TOX: variants seen among roughly 807,000 people sequenced by gnomAD.
TOX encodes thymocyte selection associated high mobility group box, also known as thymocyte selection-associated high mobility group box protein TOX.
A neutral mutation model predicts 53.7 loss-of-function variants in TOX; 11 were observed. The ratio of observed to expected loss-of-function variants is 0.20; its 90% CI spans 0.13 to 0.34. TOX has a LOEUF of 0.34. TOX is among the 10% of genes least tolerant of loss of function. The pLI, the probability that TOX is intolerant of heterozygous loss-of-function variation, is 1.00. For missense variants in TOX, 570 were observed against 664.6 expected (o/e 0.86, Z 1.56); for synonymous variants, 225 against 245.3 (o/e 0.92, Z 0.77).
chr8:58,985,013 C>T (rs1813300090), intron 1 of TOX, among the ~76,000 whole-genome samples: 1 of 150,364 alleles, frequency 6.7e-6, no homozygotes, highest in Non-Finnish European at 1.5e-5. Flanking sequence ...AGACTATGGA[C>T]ATAACTATGG....
In TOX at chr8:58,822,962, T is replaced by C. The variant is rs539846579; in HGVS notation, c.1005+3860A>G. Among the ~76,000 whole-genome samples, 25 of 152,152 alleles carry C rather than the reference T, an allele frequency of 1.6e-4. No homozygotes were observed. The East Asian group carries it at 4.4e-3, about 27-fold the overall frequency. On this transcript the variant is annotated intron_variant, in intron 6 of 8. Transcript: ENST00000361421. ...TGTGCAGGTTTGCTGTGATGGGAAA[T>C]AGGAACACGTGTAAAATGCCTACCA...
intron 1 of TOX, among the ~76,000 whole-genome samples, chr8:59,025,219 G>A (rs1814212541): frequency 6.6e-6 from 1 of 152,080 alleles, no homozygotes; most frequent in Admixed American, 6.5e-5. Context: ...TCCCTCTCAG[G>A]ATGAAATTCC....
chr8:58,967,964 C>T (rs1478884776), intron 1 of TOX, among the ~76,000 whole-genome samples: 1 of 152,158 alleles, frequency 6.6e-6, no homozygotes, highest in East Asian at 1.9e-4. Flanking sequence ...CTTTGTTCTG[C>T]TTTCATTATA....
chr8:58,836,770 A>G lies in TOX; in HGVS notation c.924+1311T>C, dbSNP rs1048177946. 2.0e-5 allele frequency among the ~76,000 whole-genome samples: 3 copies of G among 152,286 alleles called. No individual in the cohort carries two copies. The South Asian group carries it at 6.2e-4, about 32-fold the overall frequency. ...GAAAAGCATTGTAAGTTGAGTGACA[A>G]GTTTTATTCATGGTAATTCTAGGTA... On this transcript the variant is annotated intron_variant, in intron 5 of 8. Coordinates refer to ENST00000361421, the MANE Select transcript of TOX (RefSeq NM_014729.3).
intron 1 of TOX, among the ~76,000 whole-genome samples, chr8:59,090,440 C>T (rs750901965): frequency 6.6e-6 from 1 of 152,110 alleles, no homozygotes; most frequent in Non-Finnish European, 1.5e-5. Context: ...GTCAGGTATC[C>T]TTTATGTATT....
intron 1 of TOX, among the ~76,000 whole-genome samples, chr8:58,970,199 T>G (rs1318247043): frequency 6.6e-6 from 1 of 152,182 alleles, no homozygotes. Context: ...GTAAGAAAAC[T>G]GAGTCCTGGA....
intron 3 of TOX, among the ~76,000 whole-genome samples, chr8:58,908,001 G>A (rs541805625): frequency 1.2e-4 from 18 of 152,274 alleles, no homozygotes; most frequent in African/African-American, 4.3e-4. Context: ...AGGTAAACAT[G>A]TGCTATAGTG....
At chr8:59,094,723 C>T (rs536445674) in intron 1 of TOX, among the ~76,000 whole-genome samples, 3 of 152,286 alleles carry the variant, frequency 2.0e-5, no homozygotes, top group African/African-American at 7.2e-5. Flanking sequence ...AGTTTGGAAG[C>T]AAACCCGCAG....
intron 1 of TOX, among the ~76,000 whole-genome samples, chr8:59,040,055 C>T (rs569021691): frequency 2.0e-5 from 3 of 152,142 alleles, no homozygotes; most frequent in African/African-American, 2.4e-5. Flanking sequence ...ATCGGCCGGG[C>T]GCGGCGGCTC....
chr8:58,953,750 C>T (rs991754815), intron 2 of TOX, among the ~76,000 whole-genome samples: 1 of 152,102 alleles, frequency 6.6e-6, no homozygotes, highest in African/African-American at 2.4e-5. Context: ...GTTAATGTTA[C>T]TTCTGAAATT....
chr8:59,083,021 T>G (rs1256891294), intron 1 of TOX, among the ~76,000 whole-genome samples: 2 of 152,218 alleles, frequency 1.3e-5, no homozygotes, highest in Non-Finnish European at 2.9e-5. Context: ...TCTGGATTTC[T>G]GTCGTGAGGG....
At chr8:59,104,345 C>G (rs185170349) in intron 1 of TOX, among the ~76,000 whole-genome samples, 1 of 152,280 alleles carries the variant, frequency 6.6e-6, no homozygotes, top group Non-Finnish European at 1.5e-5. Context: ...CCATCTCCCA[C>G]TACCGAAACC....
chr8:59,095,699 C>A (rs964601709), intron 1 of TOX, among the ~76,000 whole-genome samples: 6 of 152,166 alleles, frequency 3.9e-5, no homozygotes, highest in Admixed American at 3.9e-4. Context: ...TGCGCCCAGA[C>A]AATATTAAAA....
At chr8:59,065,527 C>T (rs1024241273) in intron 1 of TOX, among the ~76,000 whole-genome samples, 3 of 152,096 alleles carry the variant, frequency 2.0e-5, no homozygotes, top group Non-Finnish European at 4.4e-5. Flanking sequence ...AGATTATTGG[C>T]TTATGTGAGA....
intron 1 of TOX, among the ~76,000 whole-genome samples, chr8:58,962,668 T>C (rs1812820895): frequency 6.6e-6 from 1 of 152,152 alleles, no homozygotes; most frequent in Non-Finnish European, 1.5e-5. Context: ...TAGCCCAATG[T>C]GGTGGCACAT....
At chr8:59,002,538 G>GC (rs1283190207) in intron 1 of TOX, among the ~76,000 whole-genome samples, 7 of 150,884 alleles carry the variant, frequency 4.6e-5, no homozygotes, top group Non-Finnish European at 7.4e-5. Flanking sequence ...CTTGCAGTGA[G>GC]CGAGATCGCG....
chr8:58,913,087 T>C (rs1275512529), intron 3 of TOX, among the ~76,000 whole-genome samples: 1 of 152,228 alleles, frequency 6.6e-6, no homozygotes, highest in South Asian at 2.1e-4. Context: ...ATCCATTGAA[T>C]GAATGTTTGG....
intron 1 of TOX, among the ~76,000 whole-genome samples, chr8:59,003,572 G>A (rs546452745): frequency 1.3e-5 from 2 of 152,276 alleles, no homozygotes; most frequent in African/African-American, 4.8e-5. Context: ...TGAATAAAAT[G>A]TTCGGATTTT....
At chr8:59,029,475 C>A (rs1814313207) in intron 1 of TOX, among the ~76,000 whole-genome samples, 1 of 152,162 alleles carries the variant, frequency 6.6e-6, no homozygotes. Context: ...TGATAACCCA[C>A]TAATAGCACA....
Sources: allele counts gnomAD v4.1 joint callset (sites outside exome capture counted in the v4.1 genomes callset), GRCh38; gene constraint gnomAD v4.1.1; transcripts MANE v1.5; gene names NCBI Gene and HGNC (gene_info 2026-07-23, HGNC 2026-07-21).